DNMBP: variants seen among roughly 807,000 people sequenced by gnomAD.
DNMBP encodes the protein dynamin-binding protein.
In DNMBP, 87 loss-of-function variants were observed where a neutral mutation model predicts 150.0. The observed-to-expected ratio is 0.58, with a 90% CI of 0.49 to 0.69. The LOEUF is 0.69. Ranked by LOEUF, DNMBP falls within the 30% of genes least tolerant of loss-of-function variation. The probability of loss-of-function intolerance (pLI) is 0.00; values close to 1 mark genes in which losing one functional copy is unlikely to be tolerated. For missense variants in DNMBP, 1,774 were observed against 1,949.0 expected (o/e 0.91, Z 1.69); for synonymous variants, 711 against 750.4 (o/e 0.95, Z 0.86).
rs142256001 is a variant in DNMBP, at chr10:99,957,048, A to T, written c.426T>A (p.Ile142=). The part of the protein sequence containing the change: ...QWHSQSALFQ[I]PEYSMGQARA... ...GGGCTTGTCCCATGGAATATTCCGG[A>T]ATCTGAAACAGGGCGCTCTGGGAGT... Residue 142 remains isoleucine (I), a synonymous_variant, in exon 4 of 17, where the codon ATT becomes ATA. Transcript: ENST00000324109. The T allele has an allele frequency of 1.2e-6, 2 of 1,614,082 alleles. No individual in the cohort carries two copies. Among genetic ancestry groups the T allele is most frequent in the African/African-American group, 2.7e-5 (2 of 74,928 alleles).
At chr10:99,920,100 A>T (rs2040006119) in intron 4 of DNMBP, among the ~76,000 whole-genome samples, 1 of 150,838 alleles carries the variant, frequency 6.6e-6, no homozygotes, top group South Asian at 2.1e-4. Flanking sequence ...TTTGAGACAG[A>T]GTTTTGCTCT....
intron 8 of DNMBP, 59 bp from the exon 9 acceptor site, chr10:99,898,344 G>T: frequency 6.9e-7 from 1 of 1,446,010 alleles, no homozygotes; most frequent in Non-Finnish European, 9.7e-7. Context: ...CCCAGCCTGG[G>T]AACATCGTGA....
At chr10:99,988,963 A>T (rs2133374574) in intron 1 of DNMBP, among the ~76,000 whole-genome samples, 1 of 152,088 alleles carries the variant, frequency 6.6e-6, no homozygotes, top group East Asian at 1.9e-4. Flanking sequence ...GCACCCAGCC[A>T]ACTTTTAGCC....
rs2039414483 is a variant in DNMBP at position 99,884,053 on chromosome 10, C to CT, written c.3954dup (p.Asp1319ArgfsTer12). On this transcript the variant is annotated frameshift_variant, in exon 15 of 17. Transcript: ENST00000324109. LOFTEE classifies it high-confidence loss of function. ...CAGCGGTTCTGGCTGCCCATGGGGT[C>CT]TTTTTTCTTAATCACACCCACCAGG... 2 of 1,613,918 alleles carry CT rather than the reference C, an allele frequency of 1.2e-6. No homozygotes were observed. The highest frequency in any genetic ancestry group is 1.7e-6 in the Non-Finnish European group (2 of 1,180,004).
chr10:99,909,983 G>A (rs1340021837), intron 4 of DNMBP, among the ~76,000 whole-genome samples: 1 of 152,238 alleles, frequency 6.6e-6, no homozygotes, highest in Admixed American at 6.5e-5. Context: ...CATCTGAAAT[G>A]AGCATTAAAC....
chr10:99,971,938 A>G (rs549158462), intron 2 of DNMBP, 42 bp downstream of exon 2: 1 of 1,580,038 alleles, frequency 6.3e-7, no homozygotes, highest in Non-Finnish European at 8.6e-7. Flanking sequence ...TTAATATGGA[A>G]AGAAGTCAGG....
At chr10:99,939,547 T>C (rs10883429) in intron 4 of DNMBP, among the ~76,000 whole-genome samples, 71,282 of 152,228 alleles carry the variant, frequency 0.47, 17,671 homozygotes, top group African/African-American at 0.63. Flanking sequence ...TGATCACTCC[T>C]GGGCTTGGCC....
chr10:100,001,272 A>G (rs1309785548), intron 1 of DNMBP, among the ~76,000 whole-genome samples: 13 of 127,038 alleles, frequency 1.0e-4, no homozygotes, highest in African/African-American at 3.2e-4. Context: ...AAAAAAAAAA[A>G]GGATAGAGAG....
chr10:99,929,500 G>A, intron 4 of DNMBP: 1 of 597,202 alleles, frequency 1.7e-6, no homozygotes, highest in East Asian at 2.8e-5. Context: ...TTGATAAGAA[G>A]TTCAGGGCCC....
rs1337364856 is a variant in DNMBP, at chr10:99,886,565, TG to T, written c.3352del (p.His1118IlefsTer24). On this transcript the variant is annotated frameshift_variant, in exon 13 of 17. Transcript: ENST00000324109. LOFTEE classifies it high-confidence loss of function. ...GTCAAAGCGTTTCTGTACCAGCTTA[TG>T]GGGCCCTGTAAACATGCTCAGTAAC... ...NQLLSMFTGP[H>X]KLVQKRFDKL... The T allele has an allele frequency of 6.2e-7, 1 of 1,614,062 alleles. No individual in the cohort carries two copies. Among genetic ancestry groups the T allele is most frequent in the Non-Finnish European group, 8.5e-7 (1 of 1,180,046 alleles).
Position 99,880,067 on chromosome 10 carries a change from G to A in DNMBP, c.4292C>T (p.Pro1431Leu), listed in dbSNP as rs774882402. The change falls in exon 16 of 17, where the codon CCT becomes CTT. Residue 1431 changes from proline to leucine, a missense_variant. Around this residue, in one of 2 missense-constraint regions of DNMBP, gnomAD observed 1,430 missense variants for 1,492.5 expected, o/e 0.96. Transcript: ENST00000324109. Reference protein sequence around the residue: ...SLNPSNSESSPSRCPSDPDST... With the variant: ...SLNPSNSESSLSRCPSDPDST... ...GTCTGGGTCTGAAGGGCATCTGGAAGGACTACTCTCTGAATTACTCGGATT... is the reference window on the plus strand; with the variant it reads ...GTCTGGGTCTGAAGGGCATCTGGAAAGACTACTCTCTGAATTACTCGGATT... The A allele has an allele frequency of 1.2e-6, 2 of 1,614,194 alleles. No individual in the cohort carries two copies. The highest frequency in any genetic ancestry group is 1.7e-5 in the Admixed American group (1 of 60,014).
rs184118364 is a variant in DNMBP at position 99,910,285 on chromosome 10, T to A, written c.2261-1139A>T. Among the ~76,000 whole-genome samples the A allele has an allele frequency of 1.2e-3, 190 of 152,386 alleles. No individual in the cohort carries two copies. In the East Asian group the frequency reaches 0.013, roughly 10 times the overall value. ...GGACGGGTGCAGTGGCTCACGCCCATGATCCCAGCACTTTGGGAGGCCAAG... is the reference window on the plus strand; with the variant it reads ...GGACGGGTGCAGTGGCTCACGCCCAAGATCCCAGCACTTTGGGAGGCCAAG... On this transcript the variant is annotated intron_variant, in intron 4 of 16. Coordinates refer to ENST00000324109, the MANE Select transcript of DNMBP (RefSeq NM_015221.4).
At chr10:99,906,693 A>G (rs2039830377) in intron 6 of DNMBP, among the ~76,000 whole-genome samples, 2 of 150,864 alleles carry the variant, frequency 1.3e-5, no homozygotes, top group Middle Eastern at 3.4e-3. Flanking sequence ...TGACGCCTGA[A>G]GAACTGAGTG....
chr10:99,914,177 T>C, intron 4 of DNMBP: 2 of 1,230,778 alleles, frequency 1.6e-6, no homozygotes, highest in Non-Finnish European at 2.1e-6. Context: ...CTAAGCGTAC[T>C]GGACTGAGAA....
intron 4 of DNMBP, among the ~76,000 whole-genome samples, chr10:99,925,030 G>A (rs72840105): frequency 0.014 from 2,094 of 152,168 alleles, 23 homozygotes; most frequent in Non-Finnish European, 0.017. Context: ...AAATGCAAAG[G>A]TCTTTCCCGA....
At position 99,969,228 on chromosome 10, in the gene DNMBP, G is replaced by A. The variant is rs372324249; in HGVS notation, c.155C>T (p.Pro52Leu). Residue 52 changes from proline (P) to leucine (L), a missense_variant, in exon 3 of 17, where the codon CCC (proline) becomes CTC (leucine). This residue lies in a region of DNMBP where 344 missense variants were observed against 456.6 expected (regional missense o/e 0.75). Coordinates refer to ENST00000324109, the MANE Select transcript of DNMBP (RefSeq NM_015221.4). ...GKKEDVTGQF[P>L]SSFVEIVTIP... ...GGTCACAATTTCCACAAAACTGCTG[G>A]GGAATTGTCCTGAAAATAAAAGCAA... The A allele has an allele frequency of 6.2e-6, 10 of 1,613,978 alleles. No individual in the cohort carries two copies. The highest frequency in any genetic ancestry group is 8.5e-6 in the Non-Finnish European group (10 of 1,179,934).
chr10:100,005,528 C>T (rs773424645), intron 1 of DNMBP, among the ~76,000 whole-genome samples: 2 of 151,994 alleles, frequency 1.3e-5, no homozygotes, highest in Admixed American at 6.6e-5. Flanking sequence ...CCAAGGCAGG[C>T]GGATCACCTG....
chr10:99,915,108 A>AAAAAAAAAAAT (rs10654940), intron 4 of DNMBP, among the ~76,000 whole-genome samples: 2 of 99,802 alleles, frequency 2.0e-5, no homozygotes, highest in Admixed American at 2.5e-4. Context: ...AAAAAAAAAA[A>AAAAAAAAAAAT]ATATATATAT....
chr10:100,001,827 A>G (rs2041016832), intron 1 of DNMBP, among the ~76,000 whole-genome samples: 1 of 152,182 alleles, frequency 6.6e-6, no homozygotes, highest in Admixed American at 6.6e-5. Flanking sequence ...ACCTGGGAGG[A>G]CTGAACTGAA....
Sources: allele counts gnomAD v4.1 joint callset (sites outside exome capture counted in the v4.1 genomes callset), GRCh38; gene constraint gnomAD v4.1.1; regional missense constraint gnomAD v4.1.1; transcripts MANE v1.5; gene names NCBI Gene and HGNC (gene_info 2026-07-23, HGNC 2026-07-21).